The following MAGI1 variants were observed in gnomAD, a reference collection of about 807,000 sequenced individuals.
The protein encoded by MAGI1 is membrane associated guanylate kinase, WW and PDZ domain containing 1.
A neutral mutation model predicts 139.9 loss-of-function variants in MAGI1; 58 were observed. The ratio of observed to expected loss-of-function variants is 0.41; its 90% confidence interval spans 0.34 to 0.52. MAGI1 has a LOEUF of 0.52. Ranked by LOEUF, MAGI1 falls within the 20% of genes least tolerant of loss-of-function variation. MAGI1 has a pLI of 0.12. For missense variants in MAGI1, 1,874 were observed against 1,901.6 expected (o/e 0.99, Z 0.27); for synonymous variants, 812 against 737.9 (o/e 1.10, Z -1.63).
rs72902211 is a variant in MAGI1 at position 65,552,200 on chromosome 3, A to C, written c.431-58569T>G. ...CCTGAAGCACCCACCCTCTCTGATG[A>C]AGAGGATTGGAGTACAGCCTGTCCA... is the stretch of plus-strand genomic sequence containing the variant. On this transcript the variant is annotated intron_variant, in intron 2 of 22. Coordinates refer to ENST00000402939, the MANE Select transcript of MAGI1 (RefSeq NM_001033057.2). 9.0e-3 allele frequency among the ~76,000 whole-genome samples: 1,362 copies of C among 152,066 alleles called. 19 individuals are homozygous for C. The highest frequency in any genetic ancestry group is 0.03 in the African/African-American group (1,261 of 41,490).
At chr3:65,444,703 G>A (rs1452007873) in intron 7 of MAGI1, among the ~76,000 whole-genome samples, 1 of 152,122 alleles carries the variant, frequency 6.6e-6, no homozygotes, top group African/African-American at 2.4e-5. Context: ...GAGGGCCGAG[G>A]AGGGTACTAG....
chr3:65,853,152 G>C (rs1017618199), intron 1 of MAGI1, among the ~76,000 whole-genome samples: 2 of 151,684 alleles, frequency 1.3e-5, no homozygotes, highest in East Asian at 3.9e-4. Flanking sequence ...GGGCGACAGA[G>C]CGAGACTCCG....
At chr3:65,419,941 A>C (rs1264375829) in intron 12 of MAGI1, among the ~76,000 whole-genome samples, 2 of 152,100 alleles carry the variant, frequency 1.3e-5, no homozygotes, top group African/African-American at 4.8e-5. Context: ...CCCACTTTAC[A>C]GTCAACCTGT....
chr3:65,549,381 T>C (rs2079701377), intron 2 of MAGI1: 3 of 972,872 alleles, frequency 3.1e-6, no homozygotes, highest in Non-Finnish European at 3.7e-6. Context: ...CTGCTGTCAC[T>C]TCCAAACCCA....
At chr3:65,375,477 G>A (rs913277543) in intron 18 of MAGI1, among the ~76,000 whole-genome samples, 3 of 152,128 alleles carry the variant, frequency 2.0e-5, no homozygotes, top group Admixed American at 6.5e-5. Flanking sequence ...GTGAGCCACC[G>A]CACCCGGCCT....
chr3:66,020,945 T>TC (rs1233330709), intron 1 of MAGI1, among the ~76,000 whole-genome samples: 8 of 152,146 alleles, frequency 5.3e-5, no homozygotes, highest in African/African-American at 1.9e-4. Flanking sequence ...TCGGTAAATG[T>TC]ACCGATTAAA....
intron 12 of MAGI1, among the ~76,000 whole-genome samples, chr3:65,409,732 G>C (rs2107185866): frequency 6.6e-6 from 1 of 151,872 alleles, no homozygotes. Flanking sequence ...ATAAGTATCA[G>C]ACCCAATGTC....
intron 3 of MAGI1, among the ~76,000 whole-genome samples, chr3:65,479,803 A>G (rs1951144530): frequency 1.3e-5 from 2 of 152,184 alleles, no homozygotes; most frequent in South Asian, 4.1e-4. Flanking sequence ...ATAACATTAA[A>G]TAAATAATAC....
chr3:65,778,246 A>G (rs571041340), intron 1 of MAGI1, among the ~76,000 whole-genome samples: 1 of 152,180 alleles, frequency 6.6e-6, no homozygotes, highest in South Asian at 2.1e-4. Flanking sequence ...GCTGGCCAAC[A>G]TGGTGAAACT....
chr3:65,898,482 C>T (rs1180325536), intron 1 of MAGI1, among the ~76,000 whole-genome samples: 1 of 152,048 alleles, frequency 6.6e-6, no homozygotes, highest in African/African-American at 2.4e-5. Context: ...AAATTATATA[C>T]ACAAATAAAG....
intron 1 of MAGI1, among the ~76,000 whole-genome samples, chr3:65,723,704 A>T (rs1352141060): frequency 6.6e-6 from 1 of 152,332 alleles, no homozygotes; most frequent in South Asian, 2.1e-4. Flanking sequence ...GTACATTCTC[A>T]TTAACTTCAG....
chr3:65,990,554 A>G (rs543128682), intron 1 of MAGI1, among the ~76,000 whole-genome samples: 8 of 152,142 alleles, frequency 5.3e-5, no homozygotes, highest in African/African-American at 1.9e-4. Context: ...CTATGGCATG[A>G]TGTTCCTTTG....
At chr3:66,025,076 T>C (rs2068177262) in intron 1 of MAGI1, among the ~76,000 whole-genome samples, 1 of 152,208 alleles carries the variant, frequency 6.6e-6, no homozygotes, top group East Asian at 1.9e-4. Flanking sequence ...CTGAAGATGT[T>C]CGCTAAAATG....
intron 1 of MAGI1, chr3:65,717,648 G>A (rs2032434796): frequency 6.6e-6 from 1 of 152,160 alleles, no homozygotes; most frequent in African/African-American, 2.4e-5. Flanking sequence ...AAACGGAGAT[G>A]AAAACATCTT....
intron 1 of MAGI1, among the ~76,000 whole-genome samples, chr3:65,799,873 C>T (rs2040405692): frequency 6.6e-6 from 1 of 152,096 alleles, no homozygotes; most frequent in African/African-American, 2.4e-5. Flanking sequence ...CAACGCTTTA[C>T]ATTTAAATAT....
intron 1 of MAGI1, among the ~76,000 whole-genome samples, chr3:65,625,023 C>T (rs1001183391): frequency 5.9e-5 from 9 of 152,176 alleles, no homozygotes; most frequent in Middle Eastern, 6.8e-3. Context: ...CAGGCATCTT[C>T]CACCACGCGC....
chr3:65,795,759 T>C (rs555992111), intron 1 of MAGI1, among the ~76,000 whole-genome samples: 44 of 134,584 alleles, frequency 3.3e-4, no homozygotes, highest in Non-Finnish European at 6.3e-4. Context: ...ATTTAAGAAA[T>C]TGGTCAGGCC....
intron 1 of MAGI1, among the ~76,000 whole-genome samples, chr3:66,024,868 A>T (rs1370439010): frequency 1.3e-5 from 2 of 152,144 alleles, no homozygotes; most frequent in African/African-American, 4.8e-5. Flanking sequence ...ACCATAAATA[A>T]ACAATTCCAG....
intron 1 of MAGI1, among the ~76,000 whole-genome samples, chr3:65,741,769 T>G (rs932712514): frequency 1.3e-5 from 2 of 152,172 alleles, no homozygotes; most frequent in African/African-American, 4.8e-5. Flanking sequence ...TGTGTTTCAT[T>G]TGTGAATAAA....
Sources: allele counts gnomAD v4.1 joint callset (sites outside exome capture counted in the v4.1 genomes callset), GRCh38; gene constraint gnomAD v4.1.1; transcripts MANE v1.5; gene names NCBI Gene and HGNC (gene_info 2026-07-23, HGNC 2026-07-21).